The following PPFIA2 variants were observed in gnomAD, a reference collection of about 807,000 sequenced individuals.
PPFIA2 encodes the protein liprin-alpha-2.
In PPFIA2, 46 loss-of-function variants were observed where a neutral mutation model predicts 175.5. The ratio of observed to expected loss-of-function variants is 0.26; its 90% CI spans 0.21 to 0.34. PPFIA2 has a LOEUF of 0.34. Ranked by LOEUF, PPFIA2 falls within the 10% of genes least tolerant of loss-of-function variation. PPFIA2 has a pLI of 1.00. For missense variants in PPFIA2, 1,179 were observed against 1,506.1 expected (o/e 0.78, Z 3.60); for synonymous variants, 568 against 511.4 (o/e 1.11, Z -1.49).
intron 4 of PPFIA2, among the ~76,000 whole-genome samples, chr12:81,643,342 A>C: frequency 6.6e-6 from 1 of 151,854 alleles, no homozygotes; most frequent in East Asian, 1.9e-4. Flanking sequence ...TTTTGCAGAC[A>C]CCTTCCCTAT....
intron 8 of PPFIA2, among the ~76,000 whole-genome samples, chr12:81,404,848 T>C (rs1427085514): frequency 6.6e-6 from 1 of 152,224 alleles, no homozygotes; most frequent in Admixed American, 6.6e-5. Flanking sequence ...GTGCTATTTA[T>C]TGTATTGTCC....
At chr12:81,622,901 A>C (rs1173072183) in intron 4 of PPFIA2, among the ~76,000 whole-genome samples, 2 of 152,156 alleles carry the variant, frequency 1.3e-5, no homozygotes, top group Non-Finnish European at 2.9e-5. Context: ...GTTTAAAGAA[A>C]GGTAGGAAAG....
intron 8 of PPFIA2, among the ~76,000 whole-genome samples, chr12:81,405,172 C>T (rs559827928): frequency 8.5e-5 from 13 of 152,126 alleles, no homozygotes; most frequent in Non-Finnish European, 1.5e-4. Context: ...TGGGACTAAA[C>T]TTCACCCAAA....
chr12:81,456,813 T>C (rs1349725943), intron 5 of PPFIA2, among the ~76,000 whole-genome samples: 1 of 152,132 alleles, frequency 6.6e-6, no homozygotes, highest in African/African-American at 2.4e-5. Context: ...GCATGTCATA[T>C]GCTTGATGAA....
chr12:81,516,315 C>T (rs1211298204), intron 4 of PPFIA2, among the ~76,000 whole-genome samples: 2 of 152,110 alleles, frequency 1.3e-5, no homozygotes, highest in African/African-American at 2.4e-5. Flanking sequence ...TTCCTGTCTT[C>T]ATTTATCAAC....
chr12:81,581,216 G>A (rs2153427957), intron 4 of PPFIA2, among the ~76,000 whole-genome samples: 1 of 148,484 alleles, frequency 6.7e-6, no homozygotes, highest in Admixed American at 6.8e-5. Context: ...GGTGTACCTT[G>A]TTATAGCAGG....
intron 4 of PPFIA2, among the ~76,000 whole-genome samples, chr12:81,554,888 A>T (rs1457051821): frequency 1.3e-5 from 2 of 152,036 alleles, no homozygotes; most frequent in Non-Finnish European, 2.9e-5. Context: ...ACCATGTGAG[A>T]TCATTTCAAA....
At chr12:81,735,151 T>G (rs1485912636) in intron 3 of PPFIA2, among the ~76,000 whole-genome samples, 1 of 151,868 alleles carries the variant, frequency 6.6e-6, no homozygotes, top group East Asian at 1.9e-4. Context: ...CTTGGTTAGA[T>G]TTCTAGGAGT....
rs1426375071 is a variant in PPFIA2 at position 81,362,682 on chromosome 12, T to C, written c.1637+11A>G. 2 of 1,521,762 alleles carry C rather than the reference T, an allele frequency of 1.3e-6. No homozygotes were observed. The highest frequency in any genetic ancestry group is 2.5e-5 in the East Asian group (1 of 40,590). 94.3% of individuals were successfully genotyped at this position (1,521,762 alleles called of 1,614,324 possible). A position where few individuals can be genotyped will look rare whatever the true frequency, so the allele number is the denominator to read the frequency against. ...CAGTGAATTATAGATAAGCTTTTAG[T>C]TTAATGTTACCTTGGTATTGTGGGT... On this transcript the variant is annotated intron_variant, in intron 15 of 32. Transcript: ENST00000549396.
At chr12:81,356,991 G>A (rs2060960713) in intron 16 of PPFIA2, among the ~76,000 whole-genome samples, 2 of 152,236 alleles carry the variant, frequency 1.3e-5, no homozygotes, top group South Asian at 4.2e-4. Flanking sequence ...CTGAATGTAT[G>A]AGGAGGCTGA....
intron 17 of PPFIA2, among the ~76,000 whole-genome samples, chr12:81,349,022 T>C (rs2059563507): frequency 6.6e-6 from 1 of 152,190 alleles, no homozygotes; most frequent in Non-Finnish European, 1.5e-5. Flanking sequence ...ATGTAATTTA[T>C]TTGCTAAATT....
chr12:81,387,472 G>C (rs1474329408), intron 8 of PPFIA2, among the ~76,000 whole-genome samples: 2 of 152,060 alleles, frequency 1.3e-5, no homozygotes, highest in South Asian at 2.1e-4. Flanking sequence ...AGGAAATGCA[G>C]GCAAATGGCA....
intron 28 of PPFIA2, among the ~76,000 whole-genome samples, chr12:81,277,115 A>G (rs2040722820): frequency 6.6e-6 from 1 of 152,156 alleles, no homozygotes; most frequent in South Asian, 2.1e-4. Context: ...TTACTCCCCA[A>G]ATGGGATATT....
rs553668679 is a variant in PPFIA2 at position 81,727,941 on chromosome 12, C to T, written c.249+26032G>A. On this transcript the variant is annotated intron_variant, in intron 3 of 32. Transcript: ENST00000549396. ...GAAGTTACTACCTATTTCTATTTCA[C>T]GGGTTTATAAGGTTCTATCAGATAG... 1.5e-4 allele frequency among the ~76,000 whole-genome samples: 23 copies of T among 151,458 alleles called. 1 individual carries two copies. In the South Asian group the frequency reaches 1.9e-3, roughly 12 times the overall value.
At chr12:81,519,999 G>A (rs2062924777) in intron 4 of PPFIA2, among the ~76,000 whole-genome samples, 1 of 152,060 alleles carries the variant, frequency 6.6e-6, no homozygotes, top group South Asian at 2.1e-4. Flanking sequence ...ATGTGGATGT[G>A]GTCTCTCTCT....
intron 21 of PPFIA2, among the ~76,000 whole-genome samples, chr12:81,326,718 G>T (rs2054858204): frequency 6.6e-6 from 1 of 151,918 alleles, no homozygotes; most frequent in African/African-American, 2.4e-5. Flanking sequence ...TGTTGTAATT[G>T]AAAAATAAGG....
chr12:81,479,248 TTTTG>T (rs1000977917), intron 4 of PPFIA2, among the ~76,000 whole-genome samples: 7 of 152,214 alleles, frequency 4.6e-5, no homozygotes, highest in African/African-American at 9.6e-5. Context: ...ACCCCTGCTT[TTTTG>T]TTTGTTTGTT....
intron 4 of PPFIA2, chr12:81,546,457 G>T (rs547735048): frequency 4.6e-5 from 7 of 152,234 alleles, no homozygotes. Context: ...TCCAGTAAAA[G>T]GAAAGTCACT....
intron 4 of PPFIA2, among the ~76,000 whole-genome samples, chr12:81,671,359 T>A (rs1001456837): frequency 6.6e-6 from 1 of 151,950 alleles, no homozygotes; most frequent in East Asian, 1.9e-4. Context: ...CAGGCTTTTA[T>A]TAACCATCTA....
Sources: gnomAD v4.1 joint callset for allele counts (sites outside exome capture counted in the v4.1 genomes callset) on GRCh38, gnomAD v4.1.1 for gene constraint, MANE v1.5 for transcripts, NCBI Gene and HGNC (gene_info 2026-07-23, HGNC 2026-07-21) for gene names.